ABCC2: variants seen among roughly 807,000 people sequenced by gnomAD.
ABCC2 encodes the protein ATP binding cassette subfamily C member 2, also known as ATP-binding cassette sub-family C member 2.
Under a neutral mutation model 173.4 loss-of-function variants are expected in ABCC2, and 157 were observed. The ratio of observed to expected loss-of-function variants is 0.91; its 90% confidence interval spans 0.80 to 1.03. The LOEUF is 1.03. Among genes scored for constraint, ABCC2 ranks in the 50% least tolerant of loss-of-function variants. The probability of loss-of-function intolerance (pLI) is 0.00; values close to 1 mark genes in which losing one functional copy is unlikely to be tolerated. For missense variants in ABCC2, 1,822 were observed against 1,852.3 expected (o/e 0.98, Z 0.30); for synonymous variants, 657 against 693.5 (o/e 0.95, Z 0.83).
At chr10:99,802,502 T>G (rs1388061895) in intron 9 of ABCC2, among the ~76,000 whole-genome samples, 8 of 148,200 alleles carry the variant, frequency 5.4e-5, no homozygotes, top group Non-Finnish European at 9.0e-5. Flanking sequence ...AGTTGTTGTT[T>G]TTTTTTTTTT....
At chr10:99,818,987 T>C (rs1184795840) in intron 18 of ABCC2, 30 bp downstream of exon 18, 7 of 1,571,966 alleles carry the variant, frequency 4.5e-6, no homozygotes, top group East Asian at 4.5e-5. Context: ...GATGAAGATA[T>C]AAAGGTGGGG....
At chr10:99,843,218 CTA>C (rs2038971842) in intron 26 of ABCC2, among the ~76,000 whole-genome samples, 1 of 152,170 alleles carries the variant, frequency 6.6e-6, no homozygotes, top group Admixed American at 6.5e-5. Context: ...AGTCAGGAAA[CTA>C]TTAGATTGAA....
At chr10:99,796,398 G>A (rs899552839) in intron 6 of ABCC2, among the ~76,000 whole-genome samples, 2 of 152,154 alleles carry the variant, frequency 1.3e-5, no homozygotes, top group African/African-American at 4.8e-5. Context: ...CAGCTACTTG[G>A]GAGGCTGAGG....
chr10:99,830,714 A>C lies in ABCC2; in HGVS notation c.2748-2A>C, dbSNP rs1392791154. 3 of 1,613,988 alleles carry C rather than the reference A, an allele frequency of 1.9e-6. No individual in the cohort carries two copies. The highest frequency in any genetic ancestry group is 2.5e-6 in the Non-Finnish European group (3 of 1,180,022). The stretch of plus-strand genomic sequence containing the variant: ...ATGCTCAGGGAAGCTTCCCTCTCTC[A>C]GTTCTAGGTCCAATGGCAGGCATCT... On this transcript the variant is annotated splice_acceptor_variant, in intron 20 of 31. Coordinates refer to ENST00000647814, the MANE Select transcript of ABCC2 (RefSeq NM_000392.5). LOFTEE classifies it high-confidence loss of function.
intron 9 of ABCC2, among the ~76,000 whole-genome samples, chr10:99,801,336 A>C (rs2038012743): frequency 6.6e-6 from 1 of 152,128 alleles, no homozygotes; most frequent in Non-Finnish European, 1.5e-5. Flanking sequence ...TCCTGGGTTC[A>C]AGCGGTTCTC....
intron 2 of ABCC2, 92 bp from the exon 3 acceptor site, chr10:99,792,142 C>G: frequency 3.3e-6 from 5 of 1,500,220 alleles, no homozygotes; most frequent in Non-Finnish European, 4.6e-6. Flanking sequence ...TCACTGCATA[C>G]CGCTTTTCCT....
At chr10:99,848,165 T>TGATC (rs1291945064) in intron 30 of ABCC2, among the ~76,000 whole-genome samples, 1 of 152,188 alleles carries the variant, frequency 6.6e-6, no homozygotes, top group Non-Finnish European at 1.5e-5. Flanking sequence ...AAAGAACCAC[T>TGATC]GATCTAAAGA....
intron 30 of ABCC2, among the ~76,000 whole-genome samples, chr10:99,848,006 G>A (rs759590844): frequency 1.3e-5 from 2 of 152,210 alleles, no homozygotes; most frequent in Non-Finnish European, 2.9e-5. Flanking sequence ...ACATCCCACA[G>A]AAAGCAGAGG....
At chr10:99,849,190 A>T (rs994555776) in intron 30 of ABCC2, among the ~76,000 whole-genome samples, 6 of 152,188 alleles carry the variant, frequency 3.9e-5, no homozygotes, top group Admixed American at 2.0e-4. Context: ...AGATTGCGCC[A>T]TTGCACTCCA....
At chr10:99,799,121 G>A (rs568242593) in intron 7 of ABCC2, 86 bp from the exon 8 acceptor site, 35 of 1,493,376 alleles carry the variant, frequency 2.3e-5, no homozygotes, top group African/African-American at 1.4e-4. Flanking sequence ...AGAAGGCCAC[G>A]GGGCTCACAG....
In ABCC2 at chr10:99,808,265, T is replaced by C. The variant is rs768243477; in HGVS notation, c.1815+36T>C. ...ATTCTCACTGCTAACTCCCTGTCTC[T>C]GGTTAAAAGCCTTGGAGTCCAGAAT... On this transcript the variant is annotated intron_variant, in intron 13 of 31. Coordinates refer to ENST00000647814, the MANE Select transcript of ABCC2 (RefSeq NM_000392.5). The C allele has an allele frequency of 4.3e-6, 7 of 1,612,516 alleles. No individual in the cohort carries two copies. In the South Asian group the frequency reaches 7.7e-5, roughly 18 times the overall value.
intron 8 of ABCC2, 135 bp from the exon 9 acceptor site, chr10:99,800,251 T>C (rs2037990149): frequency 1.0e-6 from 1 of 975,480 alleles, no homozygotes; most frequent in African/African-American, 1.6e-5. Context: ...CTTAGGTCTT[T>C]CAAAGGCTTT....
chr10:99,796,809 G>A (rs2037921900), intron 6 of ABCC2, among the ~76,000 whole-genome samples: 1 of 152,224 alleles, frequency 6.6e-6, no homozygotes, highest in Non-Finnish European at 1.5e-5. Flanking sequence ...ATGCCAGAGT[G>A]GCAGAGAGGC....
chr10:99,800,336 G>A (rs779909485), intron 8 of ABCC2, 50 bp from the exon 9 acceptor site: 7 of 1,598,616 alleles, frequency 4.4e-6, no homozygotes, highest in Non-Finnish European at 6.0e-6. Flanking sequence ...GAGGAGAGAG[G>A]CATCCTTGGA....
chr10:99,851,152 C>CT (rs1267414825), intron 31 of ABCC2, among the ~76,000 whole-genome samples: 2 of 152,208 alleles, frequency 1.3e-5, no homozygotes, highest in Non-Finnish European at 2.9e-5. Context: ...CAGAAGCTTT[C>CT]TATTCCTTCC....
At chr10:99,786,520 T>G (rs545710404) in intron 2 of ABCC2, among the ~76,000 whole-genome samples, 1 of 152,324 alleles carries the variant, frequency 6.6e-6, no homozygotes, top group East Asian at 1.9e-4. Context: ...AGTTAACTCT[T>G]TTACAAAATA....
intron 19 of ABCC2, among the ~76,000 whole-genome samples, chr10:99,827,497 C>T (rs914795087): frequency 6.6e-6 from 1 of 152,020 alleles, no homozygotes; most frequent in Admixed American, 6.6e-5. Flanking sequence ...CTTCTAGGGG[C>T]GTCAGGAACT....
At chr10:99,841,567 C>CA (rs1054778157) in intron 25 of ABCC2, among the ~76,000 whole-genome samples, 203 of 150,272 alleles carry the variant, frequency 1.4e-3, no homozygotes, top group African/African-American at 3.9e-3. Flanking sequence ...AAAACAAAAA[C>CA]AAAAAAAAAT....
intron 25 of ABCC2, among the ~76,000 whole-genome samples, chr10:99,841,356 C>G (rs1056829308): frequency 4.6e-5 from 7 of 152,008 alleles, no homozygotes; most frequent in Admixed American, 4.6e-4. Context: ...AGTTCAAGAC[C>G]AGCTTGGGCA....
Sources: allele counts gnomAD v4.1 joint callset (sites outside exome capture counted in the v4.1 genomes callset), GRCh38; gene constraint gnomAD v4.1.1; transcripts MANE v1.5; gene names NCBI Gene and HGNC (gene_info 2026-07-23, HGNC 2026-07-21).